TENM2: variants seen among roughly 807,000 people sequenced by gnomAD.
TENM2 encodes the protein teneurin transmembrane protein 2.
Under a neutral mutation model 245.2 loss-of-function variants are expected in TENM2, and 52 were observed. The ratio of observed to expected loss-of-function variants is 0.21; its 90% CI spans 0.17 to 0.27. The LOEUF (loss-of-function observed/expected upper bound fraction) is 0.27, where lower values mean the gene tolerates loss of function less well. Among genes scored for constraint, TENM2 ranks in the 10% least tolerant of loss-of-function variants. TENM2 has a pLI of 1.00. For missense variants in TENM2, 3,046 were observed against 3,666.8 expected (o/e 0.83, Z 4.37); for synonymous variants, 1,363 against 1,438.9 (o/e 0.95, Z 1.19).
chr5:168,167,551 A>T (rs1469696588), intron 13 of TENM2, among the ~76,000 whole-genome samples: 1 of 152,182 alleles, frequency 6.6e-6, no homozygotes, highest in African/African-American at 2.4e-5. Flanking sequence ...ACCTGGAGGT[A>T]GGGTAGGAGG....
At chr5:167,090,826 T>C in the TENM2 span, among the ~76,000 whole-genome samples, 168 of 152,316 alleles carry the variant, frequency 1.1e-3, no homozygotes, top group Middle Eastern at 3.4e-3. Context: ...TGAGTGAAAA[T>C]ACTTAAAATT....
intron 7 of TENM2, among the ~76,000 whole-genome samples, chr5:168,067,811 G>T (rs1179315739): frequency 1.3e-5 from 2 of 152,250 alleles, no homozygotes; most frequent in East Asian, 3.9e-4. Context: ...TTCACATGGA[G>T]CTGAAATGTG....
intron 3 of TENM2, among the ~76,000 whole-genome samples, chr5:167,900,502 G>A (rs1322818719): frequency 1.3e-5 from 2 of 152,112 alleles, no homozygotes; most frequent in African/African-American, 4.8e-5. Flanking sequence ...CCAAATAAAA[G>A]TTGGGAGTGG....
At chr5:168,096,919 T>C (rs915628761) in intron 8 of TENM2, among the ~76,000 whole-genome samples, 1 of 152,186 alleles carries the variant, frequency 6.6e-6, no homozygotes, top group Non-Finnish European at 1.5e-5. Flanking sequence ...CAAATCAACA[T>C]TAAATAGTTC....
chr5:167,178,810 G>C, the TENM2 span, among the ~76,000 whole-genome samples: 3 of 152,138 alleles, frequency 2.0e-5, no homozygotes, highest in African/African-American at 7.2e-5. Flanking sequence ...TTGCACACAC[G>C]CATATAAAAT....
chr5:168,174,080 G>T (rs1237453138), intron 13 of TENM2, among the ~76,000 whole-genome samples: 1 of 152,138 alleles, frequency 6.6e-6, no homozygotes, highest in African/African-American at 2.4e-5. Flanking sequence ...ATATTTGTTT[G>T]TGCCTCCCAT....
intron 2 of TENM2, among the ~76,000 whole-genome samples, chr5:167,857,562 G>A (rs547303031): frequency 6.6e-6 from 1 of 152,212 alleles, no homozygotes; most frequent in East Asian, 1.9e-4. Flanking sequence ...ATCTGGACAT[G>A]CTTCCCATAC....
intron 3 of TENM2, among the ~76,000 whole-genome samples, chr5:167,894,988 A>AGGAAGGAAGGAAGGAG (rs1277156205): frequency 2.2e-4 from 23 of 106,412 alleles, no homozygotes; most frequent in South Asian, 7.3e-4. Flanking sequence ...GAAGGAAGGA[A>AGGAAGGAAGGAAGGAG]GGAGGGAAGG....
intron 5 of TENM2, among the ~76,000 whole-genome samples, chr5:168,014,160 A>T (rs1785480208): frequency 6.6e-6 from 1 of 152,218 alleles, no homozygotes; most frequent in African/African-American, 2.4e-5. Flanking sequence ...CTTATTCGTA[A>T]TACAAGATTT....
intron 2 of TENM2, among the ~76,000 whole-genome samples, chr5:167,631,784 G>A (rs1172851613): frequency 7.3e-5 from 11 of 151,674 alleles, no homozygotes; most frequent in Admixed American, 6.6e-4. Context: ...CTGACCCCTC[G>A]ACTCCCCACC....
the TENM2 span, among the ~76,000 whole-genome samples, chr5:167,196,656 TTA>T: frequency 1.3e-5 from 2 of 151,570 alleles, no homozygotes; most frequent in African/African-American, 4.9e-5. Context: ...GGGTTTGCGT[TTA>T]TGGATTCAAC....
chr5:167,588,023 T>C (rs1775620527), intron 2 of TENM2, among the ~76,000 whole-genome samples: 1 of 152,228 alleles, frequency 6.6e-6, no homozygotes, highest in East Asian at 1.9e-4. Flanking sequence ...GCAACCACAC[T>C]CAGAAAAGAC....
At chr5:167,297,942 G>C (rs1219803772) in intron 1 of TENM2, among the ~76,000 whole-genome samples, 14 of 151,366 alleles carry the variant, frequency 9.2e-5, no homozygotes, top group Admixed American at 3.3e-4. Flanking sequence ...CATTTCTTTT[G>C]TGGTGGAATG....
chr5:167,106,758 G>A, the TENM2 span, among the ~76,000 whole-genome samples: 1 of 151,944 alleles, frequency 6.6e-6, no homozygotes, highest in African/African-American at 2.4e-5. Flanking sequence ...TAGAGGTGAA[G>A]AGGGTGGAGG....
intron 6 of TENM2, among the ~76,000 whole-genome samples, chr5:168,056,834 C>A (rs2152075004): frequency 6.6e-6 from 1 of 152,216 alleles, no homozygotes. Context: ...TACACAAGTA[C>A]CACTGAGTTA....
intron 2 of TENM2, among the ~76,000 whole-genome samples, chr5:167,601,694 C>A (rs1776645648): frequency 6.6e-6 from 1 of 152,108 alleles, no homozygotes; most frequent in Non-Finnish European, 1.5e-5. Flanking sequence ...TTTTAAAAGT[C>A]CAATTTCTTA....
At chr5:167,186,550 G>A in the TENM2 span, among the ~76,000 whole-genome samples, 68 of 152,302 alleles carry the variant, frequency 4.5e-4, no homozygotes, top group South Asian at 3.5e-3. Flanking sequence ...GGAGTTTAGC[G>A]AGCTTCCCTT....
the TENM2 span, among the ~76,000 whole-genome samples, chr5:167,172,805 TG>T: frequency 1.3e-5 from 2 of 152,048 alleles, no homozygotes; most frequent in African/African-American, 4.8e-5. Flanking sequence ...TTACAGAGAT[TG>T]GGTCTCACCG....
chr5:167,375,377 A>G (rs1433680732), exon 2 of TENM2: 1 of 1,551,636 alleles, frequency 6.4e-7, no homozygotes, highest in Non-Finnish European at 8.7e-7. Context: ...GGGCAGAGGG[A>G]TAAAATCCAG....
Sources: gnomAD v4.1 joint callset for allele counts (sites outside exome capture counted in the v4.1 genomes callset) on GRCh38, gnomAD v4.1.1 for gene constraint, MANE v1.5 for transcripts, NCBI Gene and HGNC (gene_info 2026-07-23, HGNC 2026-07-21) for gene names.